Variants in SECISBP2 observed in about 807,000 individuals in gnomAD.
SECISBP2 encodes the protein selenocysteine insertion sequence-binding protein 2.
Under a neutral mutation model 98.2 loss-of-function variants are expected in SECISBP2, and 96 were observed. That is an observed-to-expected ratio of 0.98 (90% CI 0.83 to 1.16). The LOEUF is 1.16. Ranked by LOEUF, SECISBP2 falls within the 50% of genes most tolerant of loss-of-function variation. SECISBP2 has a pLI of 0.00. For missense variants in SECISBP2, 1,046 were observed against 1,022.9 expected (o/e 1.02, Z -0.31); for synonymous variants, 407 against 370.2 (o/e 1.10, Z -1.14).
rs1431151859 is a variant in SECISBP2, at chr9:89,338,691, G to C, written c.1212+111G>C. 4.3e-6 allele frequency: 5 copies of C among 1,166,794 alleles called. No individual in the cohort carries two copies. In the East Asian group the frequency reaches 1.2e-4, roughly 28 times the overall value. 72.3% of individuals were successfully genotyped at this position (1,166,794 alleles called of 1,614,324 possible). A position where few individuals can be genotyped will look rare whatever the true frequency, so the allele number is the denominator to read the frequency against. Reference sequence around the variant, plus strand: ...GTGAAAATCTCCAGGGCTTTTTAATGATCATTTTTGTAGTGCTAAAGAAAA... The same window carrying C: ...GTGAAAATCTCCAGGGCTTTTTAATCATCATTTTTGTAGTGCTAAAGAAAA... On this transcript the variant is annotated intron_variant, in intron 8 of 16. Coordinates refer to ENST00000375807, the MANE Select transcript of SECISBP2 (RefSeq NM_024077.5).
At chr9:89,333,588 C>T (rs1451101349) in intron 6 of SECISBP2, among the ~76,000 whole-genome samples, 1 of 152,080 alleles carries the variant, frequency 6.6e-6, no homozygotes, top group South Asian at 2.1e-4. Flanking sequence ...CAGGTGTTCT[C>T]GTGAGAGAGG....
At chr9:89,320,594 C>T (rs575571968) in intron 2 of SECISBP2, among the ~76,000 whole-genome samples, 3 of 152,216 alleles carry the variant, frequency 2.0e-5, no homozygotes, top group African/African-American at 7.2e-5. Context: ...TTGACTTTTG[C>T]TTTCCACCTT....
intron 10 of SECISBP2, among the ~76,000 whole-genome samples, chr9:89,343,533 C>T (rs1458159935): frequency 6.6e-6 from 1 of 152,100 alleles, no homozygotes; most frequent in Non-Finnish European, 1.5e-5. Context: ...GTCTGTTGTT[C>T]CCTCCATGTG....
chr9:89,344,980 C>T (rs1286575530), intron 10 of SECISBP2, among the ~76,000 whole-genome samples: 1 of 152,196 alleles, frequency 6.6e-6, no homozygotes, highest in Non-Finnish European at 1.5e-5. Context: ...CAGTTGCCAT[C>T]TTGTATCACT....
At chr9:89,346,305 G>C (rs1830409840) in intron 10 of SECISBP2, among the ~76,000 whole-genome samples, 1 of 152,202 alleles carries the variant, frequency 6.6e-6, no homozygotes, top group Non-Finnish European at 1.5e-5. Flanking sequence ...ATAATTTACT[G>C]ACTATGTAGA....
At chr9:89,357,361 A>G in intron 14 of SECISBP2, 50 bp from the exon 15 acceptor site, 2 of 1,610,332 alleles carry the variant, frequency 1.2e-6, no homozygotes, top group African/African-American at 1.3e-5. Flanking sequence ...TATTAACACC[A>G]CACTCCATGT....
In SECISBP2 at chr9:89,349,916, C is replaced by CCTT. The variant is rs746893200; in HGVS notation, c.1879_1880insCTT (p.Arg627delinsProCys). ...CACCACCTTCCCTAAGATCCACAGC[C>CCTT]GCAGATTCAGGGAGTGAGTGAGCCC... is the stretch of plus-strand genomic sequence containing the variant. On this transcript the variant is annotated protein_altering_variant, in exon 13 of 17. Coordinates refer to ENST00000375807, the MANE Select transcript of SECISBP2 (RefSeq NM_024077.5). 6.2e-7 allele frequency: 1 copy of CCTT among 1,614,168 alleles called. No individual in the cohort carries two copies. Among genetic ancestry groups the CCTT allele is most frequent in the Admixed American group, 1.7e-5 (1 of 60,026 alleles).
chr9:89,335,419 G>T (rs1024205297), intron 7 of SECISBP2, among the ~76,000 whole-genome samples: 4 of 151,850 alleles, frequency 2.6e-5, no homozygotes, highest in Non-Finnish European at 2.9e-5. Flanking sequence ...TGCAAGCTCC[G>T]CCTCTCAGGC....
downstream of SECISBP2, among the ~76,000 whole-genome samples, chr9:89,360,517 G>C (rs141333226): frequency 2.4e-3 from 358 of 152,312 alleles, 1 homozygote; most frequent in Admixed American, 4.2e-3. Flanking sequence ...CTAGTTCTGT[G>C]ATATTTGTTT....
intron 14 of SECISBP2, among the ~76,000 whole-genome samples, chr9:89,354,151 C>T (rs1455427122): frequency 6.6e-6 from 1 of 152,234 alleles, no homozygotes; most frequent in Non-Finnish European, 1.5e-5. Flanking sequence ...GCCCTTGCCA[C>T]ACGTGCTTTC....
At position 89,325,889 on chromosome 9, in the gene SECISBP2, T is replaced by A. The variant is rs77975525; in HGVS notation, c.433-8T>A. 160 of 1,613,904 alleles carry A rather than the reference T, an allele frequency of 9.9e-5. 2 individuals carry two copies. The South Asian group carries it at 1.7e-3, about 17-fold the overall frequency. On this transcript the variant is annotated splice_region_variant and splice_polypyrimidine_tract_variant and intron_variant, in intron 3 of 16. Coordinates refer to ENST00000375807, the MANE Select transcript of SECISBP2 (RefSeq NM_024077.5). ...TTATTTCATGTTGCTTTTTAATCTT[T>A]CCTGCAGAAGAAAACCTATGATGAG...
intron 10 of SECISBP2, among the ~76,000 whole-genome samples, chr9:89,344,162 GT>G (rs1480508565): frequency 3.3e-5 from 5 of 151,952 alleles, no homozygotes; most frequent in South Asian, 2.1e-4. Context: ...TTTTAATGGG[GT>G]TTTTTTTCTT....
At chr9:89,341,292 GAAA>G in intron 9 of SECISBP2, 52 bp from the exon 10 acceptor site, 1 of 1,535,682 alleles carries the variant, frequency 6.5e-7, no homozygotes, top group Non-Finnish European at 8.9e-7. Flanking sequence ...TTTGTAAAAA[GAAA>G]AGCACAGTTT....
At chr9:89,360,594 T>C (rs1832686472), downstream of SECISBP2, among the ~76,000 whole-genome samples, 1 of 152,234 alleles carries the variant, frequency 6.6e-6, no homozygotes, top group South Asian at 2.1e-4. Flanking sequence ...ATGCAGCTGC[T>C]GAGAGCTTTC....
At chr9:89,343,191 A>G (rs1421769749) in intron 10 of SECISBP2, among the ~76,000 whole-genome samples, 1 of 152,210 alleles carries the variant, frequency 6.6e-6, no homozygotes, top group Non-Finnish European at 1.5e-5. Context: ...CCTCTGACAC[A>G]TCTTCTCTTA....
intron 12 of SECISBP2, among the ~76,000 whole-genome samples, chr9:89,348,997 A>T (rs1204965817): frequency 6.6e-6 from 1 of 152,142 alleles, no homozygotes; most frequent in African/African-American, 2.4e-5. Context: ...GGACACAAGC[A>T]CTCGTTCCTG....
At chr9:89,348,813 C>G (rs1008164317) in intron 12 of SECISBP2, among the ~76,000 whole-genome samples, 1 of 152,266 alleles carries the variant, frequency 6.6e-6, no homozygotes, top group Non-Finnish European at 1.5e-5. Context: ...ACGTGCTGCT[C>G]TCTTTGTCCC....
downstream of SECISBP2, chr9:89,364,525 G>A: frequency 2.8e-5 from 5 of 176,264 alleles, 1 homozygote; most frequent in South Asian, 6.4e-4. Context: ...CAGGGGCCAG[G>A]CCCTGCAGAA....
intron 5 of SECISBP2, among the ~76,000 whole-genome samples, chr9:89,332,032 G>A (rs991154613): frequency 1.5e-4 from 23 of 152,034 alleles, no homozygotes; most frequent in African/African-American, 4.6e-4. Context: ...TTATATATTT[G>A]GAAATTTTAA....
Sources: allele counts gnomAD v4.1 joint callset (sites outside exome capture counted in the v4.1 genomes callset), GRCh38; gene constraint gnomAD v4.1.1; transcripts MANE v1.5; gene names NCBI Gene and HGNC (gene_info 2026-07-23, HGNC 2026-07-21).